NRG1: variants seen among roughly 807,000 people sequenced by gnomAD.
NRG1 encodes neuregulin 1.
In NRG1, 18 loss-of-function variants were observed where a neutral mutation model predicts 63.8. The observed-to-expected ratio is 0.28, with a 90% confidence interval of 0.19 to 0.42. NRG1 has a LOEUF of 0.42. Among genes scored for constraint, NRG1 ranks in the 10% least tolerant of loss-of-function variants. NRG1 has a pLI of 1.00. For missense variants in NRG1, 762 were observed against 814.7 expected (o/e 0.94, Z 0.79); for synonymous variants, 302 against 301.3 (o/e 1.00, Z -0.02).
chr8:32,072,446 G>C (rs1277235441), intron 1 of NRG1, among the ~76,000 whole-genome samples: 1 of 151,990 alleles, frequency 6.6e-6, no homozygotes, highest in Non-Finnish European at 1.5e-5. Context: ...GTCTCCAAAA[G>C]ATTCTTTACC....
chr8:32,469,666 T>C (rs1587830455), intron 1 of NRG1, among the ~76,000 whole-genome samples: 2 of 152,122 alleles, frequency 1.3e-5, no homozygotes, highest in Non-Finnish European at 2.9e-5. Context: ...AAAAGGAAAT[T>C]TATAAATTTG....
chr8:32,282,152 C>T (rs1048242257), intron 1 of NRG1, among the ~76,000 whole-genome samples: 6 of 152,264 alleles, frequency 3.9e-5, no homozygotes, highest in African/African-American at 1.4e-4. Context: ...GGAGTTTGCA[C>T]AGCTGGACAC....
intron 5 of NRG1, among the ~76,000 whole-genome samples, chr8:32,644,072 A>C (rs749662652): frequency 1.4e-4 from 21 of 152,126 alleles, no homozygotes; most frequent in South Asian, 1.2e-3. Context: ...TGGGCCAATG[A>C]AATAAAAAAA....
chr8:32,543,498 A>T (rs891957116), upstream of NRG1, among the ~76,000 whole-genome samples: 1 of 152,060 alleles, frequency 6.6e-6, no homozygotes, highest in African/African-American at 2.4e-5. Context: ...TGTCTTATAT[A>T]TCTGCCTTAT....
At chr8:31,642,200 A>G (rs576287455) in intron 1 of NRG1, among the ~76,000 whole-genome samples, 5 of 152,332 alleles carry the variant, frequency 3.3e-5, no homozygotes, top group Non-Finnish European at 7.4e-5. Flanking sequence ...AAAGCTCAGC[A>G]CCATCGTACT....
chr8:32,233,557 ATATATATT>A (rs1262285619), intron 1 of NRG1, among the ~76,000 whole-genome samples: 42 of 73,740 alleles, frequency 5.7e-4, no homozygotes, highest in African/African-American at 3.1e-3. Flanking sequence ...ATATATATAT[ATATATATT>A]TTTTTTTTTT....
intron 1 of NRG1, among the ~76,000 whole-genome samples, chr8:32,506,352 T>C (rs1828527537): frequency 6.6e-6 from 1 of 152,148 alleles, no homozygotes; most frequent in Non-Finnish European, 1.5e-5. Flanking sequence ...TCTTTTTTAT[T>C]GGGGACCCAC....
chr8:31,982,238 T>C (rs1809248538), intron 1 of NRG1, among the ~76,000 whole-genome samples: 1 of 152,076 alleles, frequency 6.6e-6, no homozygotes, highest in Admixed American at 6.6e-5. Context: ...AAGATCATTC[T>C]TGCTATGGTG....
chr8:32,106,627 T>G (rs957240394), intron 1 of NRG1, among the ~76,000 whole-genome samples: 1 of 152,222 alleles, frequency 6.6e-6, no homozygotes, highest in Non-Finnish European at 1.5e-5. Flanking sequence ...TACAGAGATC[T>G]CTTTGGTAAT....
chr8:32,078,942 A>G (rs1401068574), intron 1 of NRG1, among the ~76,000 whole-genome samples: 1 of 152,178 alleles, frequency 6.6e-6, no homozygotes, highest in Non-Finnish European at 1.5e-5. Context: ...GTTAACTGGC[A>G]GTTATTCATT....
At chr8:31,756,661 T>G (rs1243706862) in intron 1 of NRG1, among the ~76,000 whole-genome samples, 3 of 152,172 alleles carry the variant, frequency 2.0e-5, no homozygotes, top group Non-Finnish European at 4.4e-5. Context: ...TATGGTCTGT[T>G]TTATTTCCCT....
intron 1 of NRG1, among the ~76,000 whole-genome samples, chr8:32,178,128 G>A (rs780533116): frequency 9.9e-5 from 15 of 152,060 alleles, no homozygotes; most frequent in African/African-American, 2.7e-4. Context: ...CCAGAATTCC[G>A]AAAAACTCCA....
chr8:31,773,076 T>G (rs962645805), intron 1 of NRG1, among the ~76,000 whole-genome samples: 6 of 152,316 alleles, frequency 3.9e-5, no homozygotes, highest in African/African-American at 1.4e-4. Context: ...GCAGAAAGGT[T>G]GGAAACCTGT....
intron 1 of NRG1, among the ~76,000 whole-genome samples, chr8:32,518,715 GA>G (rs1588085185): frequency 1.3e-5 from 2 of 151,704 alleles, no homozygotes. Flanking sequence ...TGAAAACCAA[GA>G]AAAAAAGGTT....
chr8:32,375,723 G>A (rs901772776), intron 1 of NRG1, among the ~76,000 whole-genome samples: 16 of 152,324 alleles, frequency 1.1e-4, no homozygotes, highest in African/African-American at 3.8e-4. Flanking sequence ...GCTCTTTCCA[G>A]TAGCCCTTAC....
intron 1 of NRG1, among the ~76,000 whole-genome samples, chr8:32,275,273 C>T (rs569374471): frequency 3.3e-5 from 5 of 152,306 alleles, no homozygotes; most frequent in Non-Finnish European, 7.4e-5. Flanking sequence ...TTGTGTTAGG[C>T]ACTGTTCCAG....
intron 1 of NRG1, among the ~76,000 whole-genome samples, chr8:31,816,197 C>G (rs1395113796): frequency 6.6e-6 from 1 of 152,084 alleles, no homozygotes; most frequent in Middle Eastern, 3.2e-3. Flanking sequence ...TTATATAACC[C>G]CTTCATCCTA....
chr8:31,912,788 G>A (rs369417202), intron 1 of NRG1, among the ~76,000 whole-genome samples: 1 of 152,048 alleles, frequency 6.6e-6, no homozygotes, highest in Non-Finnish European at 1.5e-5. Flanking sequence ...TTGCATCTTT[G>A]TGAGATCTGC....
At chr8:32,464,330 T>C (rs1438492796) in intron 1 of NRG1, among the ~76,000 whole-genome samples, 1 of 132,854 alleles carries the variant, frequency 7.5e-6, no homozygotes, top group Admixed American at 8.3e-5. Flanking sequence ...TTTTCTAGAT[T>C]AGGAAACTGA....
Sources: gnomAD v4.1 joint callset for allele counts (sites outside exome capture counted in the v4.1 genomes callset) on GRCh38, gnomAD v4.1.1 for gene constraint, MANE v1.5 for transcripts, NCBI Gene and HGNC (gene_info 2026-07-23, HGNC 2026-07-21) for gene names.